The following USP39 variants were observed in gnomAD, a reference collection of about 807,000 sequenced individuals.
USP39 encodes ubiquitin specific peptidase 39.
A neutral mutation model predicts 66.4 loss-of-function variants in USP39; 38 were observed. The ratio of observed to expected loss-of-function variants is 0.57; its 90% CI spans 0.44 to 0.75. The LOEUF (loss-of-function observed/expected upper bound fraction) is 0.75. USP39 is among the 30% of genes least tolerant of loss of function. The pLI, the probability that USP39 is intolerant of heterozygous loss-of-function variation, is 0.00. For missense variants in USP39, 608 were observed against 714.4 expected, an observed-to-expected ratio of 0.85 and a Z score of 1.70; for synonymous variants, 303 against 274.6, an observed-to-expected ratio of 1.10 and a Z score of -1.02.
At chr2:85,611,852 G>A (rs377584220), upstream of USP39, 75 of 1,599,584 alleles carry the variant, frequency 4.7e-5, no homozygotes, top group Non-Finnish European at 5.1e-6. Flanking sequence ...GAGTGGTGGC[G>A]GCGGCGGCGC....
chr2:85,617,092 C>A (rs1269746658), intron 1 of USP39, among the ~76,000 whole-genome samples: 1 of 150,878 alleles, frequency 6.6e-6, no homozygotes, highest in South Asian at 2.1e-4. Context: ...GTGTTACTTC[C>A]TTCCATTTTA....
At chr2:85,628,381 G>A (rs1311341233) in intron 5 of USP39, among the ~76,000 whole-genome samples, 2 of 152,112 alleles carry the variant, frequency 1.3e-5, no homozygotes, top group Non-Finnish European at 2.9e-5. Context: ...TCCTGACTTC[G>A]TGATCTGCTC....
chr2:85,609,531 ACTG>A, upstream of USP39: 2 of 1,614,148 alleles, frequency 1.2e-6, no homozygotes, highest in Non-Finnish European at 1.7e-6. Flanking sequence ...AGCCTCCACT[ACTG>A]CTGCTTTCAC....
chr2:85,604,638 C>T (rs1189358309), intron 1 of USP39, among the ~76,000 whole-genome samples: 2 of 152,242 alleles, frequency 1.3e-5, no homozygotes, highest in Non-Finnish European at 2.9e-5. Flanking sequence ...ATCCAGCTCA[C>T]CTGCCGCTGG....
chr2:85,644,659 G>A (rs1676505006), intron 10 of USP39, among the ~76,000 whole-genome samples: 1 of 151,890 alleles, frequency 6.6e-6, no homozygotes, highest in Admixed American at 6.6e-5. Flanking sequence ...CTGGGCTCAA[G>A]CAGTCCTCCT....
At chr2:85,614,955 G>A (rs1012171189), upstream of USP39, among the ~76,000 whole-genome samples, 3 of 150,718 alleles carry the variant, frequency 2.0e-5, no homozygotes, top group Non-Finnish European at 4.4e-5. Context: ...TATACCGCAA[G>A]TCAGAATTCA....
chr2:85,642,454 G>A (rs1368688527), intron 10 of USP39, among the ~76,000 whole-genome samples: 4 of 152,208 alleles, frequency 2.6e-5, no homozygotes, highest in African/African-American at 7.2e-5. Flanking sequence ...CAACTCCAGA[G>A]GGAGGAAGAT....
At chr2:85,638,921 C>G (rs2104333414) in intron 8 of USP39, among the ~76,000 whole-genome samples, 1 of 151,984 alleles carries the variant, frequency 6.6e-6, no homozygotes, top group East Asian at 1.9e-4. Context: ...AGTCCTCTCA[C>G]CTTTGTTCCC....
At chr2:85,629,956 G>A (rs1407902939) in intron 5 of USP39, among the ~76,000 whole-genome samples, 3 of 151,810 alleles carry the variant, frequency 2.0e-5, no homozygotes, top group East Asian at 1.9e-4. Flanking sequence ...AGCAAGACTC[G>A]GTCTCCAAAA....
At chr2:85,605,664 T>C (rs1469850055) in intron 1 of USP39, among the ~76,000 whole-genome samples, 1 of 152,218 alleles carries the variant, frequency 6.6e-6, no homozygotes, top group Non-Finnish European at 1.5e-5. Flanking sequence ...TATTCCTCTT[T>C]CTGCACACAA....
At chr2:85,612,358 TG>T, upstream of USP39, 1 of 1,536,130 alleles carries the variant, frequency 6.5e-7, no homozygotes, top group Non-Finnish European at 8.7e-7. Context: ...ATCTTTTTTC[TG>T]GTAATAGGAT....
At chr2:85,638,461 GA>G (rs1675962849) in intron 8 of USP39, among the ~76,000 whole-genome samples, 1 of 152,022 alleles carries the variant, frequency 6.6e-6, no homozygotes, top group African/African-American at 2.4e-5. Flanking sequence ...AACCTCCCCA[GA>G]AACTGGGACC....
At chr2:85,635,947 T>C in intron 6 of USP39, 106 bp from the exon 7 acceptor site, 1 of 1,037,708 alleles carries the variant, frequency 9.6e-7, no homozygotes, top group Non-Finnish European at 1.5e-6. Context: ...TGGGATGGCA[T>C]GGCCAGAGAG....
At chr2:85,626,530 A>C (rs7599812) in intron 5 of USP39, among the ~76,000 whole-genome samples, 11,596 of 152,206 alleles carry the variant, frequency 0.076, 1,468 homozygotes, top group African/African-American at 0.26. Flanking sequence ...GGCTCATGGC[A>C]TCTGGAACTT....
At chr2:85,623,879 A>C in intron 4 of USP39, 97 bp downstream of exon 4, 23 of 1,350,910 alleles carry the variant, frequency 1.7e-5, no homozygotes, top group African/African-American at 3.0e-5. Flanking sequence ...GAAGAATCTC[A>C]GTCCCTTTAG....
intron 4 of USP39, 55 bp from the exon 5 acceptor site, chr2:85,625,484 A>G: frequency 1.2e-6 from 2 of 1,603,966 alleles, no homozygotes; most frequent in Non-Finnish European, 8.5e-7. Context: ...ACTGTTACAG[A>G]CATTTCTTGT....
chr2:85,629,471 C>T (rs1328760587), intron 5 of USP39, among the ~76,000 whole-genome samples: 1 of 151,346 alleles, frequency 6.6e-6, no homozygotes, highest in African/African-American at 2.4e-5. Flanking sequence ...TTTTATTGTC[C>T]TAAACCTTTT....
At position 85,625,601 on chromosome 2, in the gene USP39, G is replaced by A. The variant is rs749117822; in HGVS notation, c.633G>A (p.Leu211=). The change falls in exon 5 of 13, where the codon TTG becomes TTA. Residue 211 remains leucine, a synonymous_variant. Coordinates refer to ENST00000323701, the MANE Select transcript of USP39 (RefSeq NM_006590.4). ...CAAACTTGGACAAGCAAGCCAAATTGTCCCGGGCATATGATGGTACCACTT... is the reference window on the plus strand; with the variant it reads ...CAAACTTGGACAAGCAAGCCAAATTATCCCGGGCATATGATGGTACCACTT... ...QIANLDKQAK[L]SRAYDGTTYL... 16 of 1,614,008 alleles carry A rather than the reference G, an allele frequency of 9.9e-6. No individual in the cohort carries two copies. The highest frequency in any genetic ancestry group is 1.4e-5 in the Non-Finnish European group (16 of 1,179,992).
At chr2:85,637,735 G>A (rs747569001) in intron 8 of USP39, among the ~76,000 whole-genome samples, 3 of 152,096 alleles carry the variant, frequency 2.0e-5, no homozygotes, top group Admixed American at 1.3e-4. Flanking sequence ...TCCCTCTGTC[G>A]CCAAGGCTGG....
Sources: gnomAD v4.1 joint callset for allele counts (sites outside exome capture counted in the v4.1 genomes callset) on GRCh38, gnomAD v4.1.1 for gene constraint, MANE v1.5 for transcripts, NCBI Gene and HGNC (gene_info 2026-07-23, HGNC 2026-07-21) for gene names.